Variants in ALDH1L1 observed in about 807,000 individuals in gnomAD.
ALDH1L1 encodes the protein cytosolic 10-formyltetrahydrofolate dehydrogenase.
Under a neutral mutation model 101.1 loss-of-function variants are expected in ALDH1L1, and 68 were observed. That is an observed-to-expected ratio of 0.67 (90% CI 0.55 to 0.82). The LOEUF (loss-of-function observed/expected upper bound fraction) is 0.82, where lower values mean the gene tolerates loss of function less well. Among genes scored for constraint, ALDH1L1 ranks in the 40% least tolerant of loss-of-function variants. The pLI is 0.00. For missense variants in ALDH1L1, 1,087 were observed against 1,172.7 expected (o/e 0.93, Z 1.07); for synonymous variants, 486 against 470.8 (o/e 1.03, Z -0.42).
chr3:126,170,587 C>A (rs535385663), intron 1 of ALDH1L1, among the ~76,000 whole-genome samples: 50 of 152,224 alleles, frequency 3.3e-4, no homozygotes, highest in African/African-American at 1.2e-3. Flanking sequence ...CCAAAAACAT[C>A]TACAAATGGT....
At chr3:126,143,404 C>A (rs886262873) in intron 9 of ALDH1L1, among the ~76,000 whole-genome samples, 2 of 152,104 alleles carry the variant, frequency 1.3e-5, no homozygotes, top group Admixed American at 6.5e-5. Flanking sequence ...AGCGGGACAG[C>A]ATGAGATTTC....
At chr3:126,148,522 T>C (rs912335938) in intron 8 of ALDH1L1, among the ~76,000 whole-genome samples, 3 of 152,118 alleles carry the variant, frequency 2.0e-5, no homozygotes, top group East Asian at 1.9e-4. Flanking sequence ...CTCCAGACCA[T>C]ACATCCTGGA....
chr3:126,136,979 G>A (rs1212313963), intron 10 of ALDH1L1, 96 bp from the exon 11 acceptor site: 2 of 1,512,532 alleles, frequency 1.3e-6, no homozygotes, highest in Non-Finnish European at 1.8e-6. Context: ...CTGCCCAGGG[G>A]CCTCCTGGGG....
chr3:126,116,572 TCA>T (rs780375356), intron 17 of ALDH1L1, among the ~76,000 whole-genome samples: 9 of 152,050 alleles, frequency 5.9e-5, no homozygotes, highest in African/African-American at 9.7e-5. Context: ...CCTACACACC[TCA>T]GAGGAAGAGA....
chr3:126,118,939 C>T (rs2080028071), intron 16 of ALDH1L1, among the ~76,000 whole-genome samples: 1 of 152,188 alleles, frequency 6.6e-6, no homozygotes, highest in African/African-American at 2.4e-5. Context: ...TCCCTCAGGT[C>T]TCCATCTCAA....
At chr3:126,125,162 C>T (rs982003818) in intron 15 of ALDH1L1, among the ~76,000 whole-genome samples, 1 of 152,216 alleles carries the variant, frequency 6.6e-6, no homozygotes, top group African/African-American at 2.4e-5. Flanking sequence ...CACCACACTG[C>T]GTAGCTTCTG....
rs1175390269 is a variant in ALDH1L1, at chr3:126,106,998, G to T, written c.2453+143C>A. On this transcript the variant is annotated intron_variant, in intron 21 of 22. Transcript: ENST00000393434. ...CAGGGGTGTGGAGACTCAGCAGGCG[G>T]CACAAGCGGGGTGTCCACGGCTTGC... is the stretch of plus-strand genomic sequence containing the variant. 8 of 703,506 alleles carry T rather than the reference G, an allele frequency of 1.1e-5. No homozygotes were observed. In the Admixed American group the frequency reaches 1.9e-4, roughly 16 times the overall value. 43.6% of individuals were successfully genotyped at this position (703,506 alleles called of 1,614,324 possible). A position where few individuals can be genotyped will look rare whatever the true frequency, so the allele number is the denominator to read the frequency against.
chr3:126,140,635 C>G (rs2108260500), intron 9 of ALDH1L1, among the ~76,000 whole-genome samples: 1 of 151,974 alleles, frequency 6.6e-6, no homozygotes, highest in South Asian at 2.1e-4. Context: ...TACACTGTGA[C>G]AGTAACACTA....
intron 14 of ALDH1L1, among the ~76,000 whole-genome samples, 154 bp from the exon 15 acceptor site, chr3:126,125,875 G>A (rs2278756): frequency 0.36 from 54,127 of 152,042 alleles, 10,548 homozygotes; most frequent in Non-Finnish European, 0.44. Context: ...GGCAGCTCAC[G>A]CCTGCTGTTT....
chr3:126,172,878 A>T (rs565526370), intron 1 of ALDH1L1, among the ~76,000 whole-genome samples: 133 of 152,248 alleles, frequency 8.7e-4, no homozygotes, highest in African/African-American at 3.0e-3. Flanking sequence ...TTACCTATAG[A>T]GGGAGAGAGA....
chr3:126,134,094 C>G (rs1221983741), intron 12 of ALDH1L1, among the ~76,000 whole-genome samples: 1 of 152,176 alleles, frequency 6.6e-6, no homozygotes, highest in Non-Finnish European at 1.5e-5. Context: ...GGTCCCGCCA[C>G]CCTGACAGGG....
At chr3:126,135,366 G>T in intron 12 of ALDH1L1, 169 bp downstream of exon 12, 2 of 816,508 alleles carry the variant, frequency 2.4e-6, no homozygotes, top group Non-Finnish European at 3.6e-6. Flanking sequence ...CCTTTTCTGA[G>T]CCTCAGGCAA....
intron 17 of ALDH1L1, among the ~76,000 whole-genome samples, chr3:126,116,494 G>T (rs919317035): frequency 1.3e-5 from 2 of 152,126 alleles, no homozygotes; most frequent in Non-Finnish European, 2.9e-5. Context: ...GCTCTGGAGT[G>T]CTCAGAGCTG....
intron 16 of ALDH1L1, among the ~76,000 whole-genome samples, chr3:126,122,704 G>T (rs1228432351): frequency 1.3e-5 from 2 of 152,178 alleles, no homozygotes; most frequent in Non-Finnish European, 2.9e-5. Flanking sequence ...GACCTATCCA[G>T]AAGTAACATT....
chr3:126,144,460 T>C (rs1368087533), intron 9 of ALDH1L1, among the ~76,000 whole-genome samples: 3 of 152,208 alleles, frequency 2.0e-5, no homozygotes, highest in Non-Finnish European at 4.4e-5. Context: ...CAAAATTTAC[T>C]ACAAAACTAC....
chr3:126,105,680 G>A (rs545228314), intron 22 of ALDH1L1, 46 bp downstream of exon 22: 11 of 1,606,068 alleles, frequency 6.8e-6, no homozygotes, highest in Admixed American at 1.7e-5. Context: ...ACAGATGTTT[G>A]TTGAATGAAT....
chr3:126,138,348 G>A (rs2080496455), intron 9 of ALDH1L1, among the ~76,000 whole-genome samples: 1 of 152,086 alleles, frequency 6.6e-6, no homozygotes, highest in Non-Finnish European at 1.5e-5. Context: ...GAAAACATAA[G>A]CCACAGATTG....
At chr3:126,153,049 T>A (rs772353528) in intron 7 of ALDH1L1, 2 of 321,040 alleles carry the variant, frequency 6.2e-6, no homozygotes, top group Non-Finnish European at 1.2e-5. Flanking sequence ...TTCAAAGAGA[T>A]GGGAGCTGAG....
chr3:126,107,205 G>C lies in ALDH1L1; in HGVS notation c.2389C>G (p.His797Asp). ...EPTVFTDVED[H>D]MFIAKEESFG... ...GACTCCTCCTTGGCTATGAACATGT[G>C]GTCTTCCACGTCTGTGAAAACAGTT... The change falls in exon 21 of 23, where the codon CAC (histidine) becomes GAC (aspartate). Residue 797 changes from histidine to aspartate, a missense_variant. Transcript: ENST00000393434. The C allele has an allele frequency of 6.2e-7, 1 of 1,614,162 alleles. No individual in the cohort carries two copies. The highest frequency in any genetic ancestry group is 8.5e-7 in the Non-Finnish European group (1 of 1,180,008).
Sources: allele counts gnomAD v4.1 joint callset (sites outside exome capture counted in the v4.1 genomes callset), GRCh38; gene constraint gnomAD v4.1.1; transcripts MANE v1.5; gene names NCBI Gene and HGNC (gene_info 2026-07-23, HGNC 2026-07-21).